The following CCM2 variants were observed in gnomAD, a reference collection of about 807,000 sequenced individuals.
The protein encoded by CCM2 is CCM2 scaffold protein.
Under a neutral mutation model 44.9 loss-of-function variants are expected in CCM2, and 25 were observed. That is an observed-to-expected ratio of 0.56 (90% CI 0.41 to 0.78). CCM2 has a LOEUF of 0.78. Among genes scored for constraint, CCM2 ranks in the 30% least tolerant of loss-of-function variants. The pLI is 0.00. For synonymous variants in CCM2, 219 were observed against 241.1 expected (o/e 0.91, Z 0.85); for missense variants, 481 against 580.6 (o/e 0.83, Z 1.76).
intron 1 of CCM2, among the ~76,000 whole-genome samples, chr7:45,001,238 C>T (rs1287549293): frequency 2.6e-5 from 4 of 152,146 alleles, no homozygotes; most frequent in African/African-American, 7.2e-5. Flanking sequence ...TTTAAAAGTC[C>T]TGTTTGAAAT....
At position 45,024,562 on chromosome 7, in the gene CCM2, C is replaced by T. The variant is rs181257438; in HGVS notation, c.31-13691C>T. On this transcript the variant is annotated intron_variant, in intron 1 of 9. Transcript: ENST00000258781. The stretch of plus-strand genomic sequence containing the variant: ...CCTCGTTTTGCTGGGAGTAGATCCT[C>T]TAGTATGTTTTTCAAAAGGGGGTTT... Among the ~76,000 whole-genome samples the T allele has an allele frequency of 9.2e-5, 14 of 152,276 alleles. No individual in the cohort carries two copies. The East Asian group carries it at 1.5e-3, about 17-fold the overall frequency.
chr7:45,058,783 TA>T (rs1400354581), intron 2 of CCM2, among the ~76,000 whole-genome samples: 2 of 151,978 alleles, frequency 1.3e-5, no homozygotes, highest in African/African-American at 4.8e-5. Context: ...TACAACGATA[TA>T]TTTTTTTTTG....
intron 1 of CCM2, among the ~76,000 whole-genome samples, chr7:45,008,138 G>A (rs955141531): frequency 1.3e-5 from 2 of 150,762 alleles, no homozygotes; most frequent in Non-Finnish European, 2.9e-5. Context: ...CGCCTCCTGG[G>A]TTCAAGCAAT....
chr7:45,044,780 T>C (rs778318690), intron 2 of CCM2, among the ~76,000 whole-genome samples: 47 of 152,246 alleles, frequency 3.1e-4, no homozygotes, highest in Non-Finnish European at 4.7e-4. Flanking sequence ...CAAATTTTCC[T>C]AGAACCATAA....
chr7:45,072,916 C>G, intron 7 of CCM2, 133 bp downstream of exon 7: 1 of 774,580 alleles, frequency 1.3e-6, no homozygotes, highest in Non-Finnish European at 2.2e-6. Context: ...CCCACTGTAC[C>G]CAGCTTAGTG....
intron 5 of CCM2, among the ~76,000 whole-genome samples, chr7:45,068,976 G>A (rs1017443393): frequency 6.6e-6 from 1 of 152,194 alleles, no homozygotes; most frequent in South Asian, 2.1e-4. Context: ...GCTGATGGGC[G>A]GGCAGCGGCG....
intron 2 of CCM2, among the ~76,000 whole-genome samples, chr7:45,050,026 A>G (rs1369660958): frequency 6.6e-6 from 1 of 152,280 alleles, no homozygotes; most frequent in African/African-American, 2.4e-5. Flanking sequence ...CAGACCACAC[A>G]TATGACAATG....
chr7:45,000,461 G>GA (rs1242998063), intron 1 of CCM2, 98 bp downstream of exon 1: 1 of 287,762 alleles, frequency 3.5e-6, no homozygotes, highest in Non-Finnish European at 5.8e-6. Flanking sequence ...GCCCGGGGGG[G>GA]GGGGCAGTGG....
At chr7:45,023,796 T>TGG (rs1360196894) in intron 1 of CCM2, among the ~76,000 whole-genome samples, 2 of 119,366 alleles carry the variant, frequency 1.7e-5, no homozygotes, top group African/African-American at 6.3e-5. Flanking sequence ...AGTTTTTTTT[T>TGG]TTTTTTTTTT....
chr7:45,021,570 A>AT (rs1562866434), intron 1 of CCM2, among the ~76,000 whole-genome samples: 5 of 151,564 alleles, frequency 3.3e-5, no homozygotes, highest in African/African-American at 1.2e-4. Context: ...TCTCAAAAAA[A>AT]AAAAATAAAA....
chr7:45,075,954 A>AC lies in CCM2; in HGVS notation c.1234dup (p.Arg412ProfsTer9), dbSNP rs1331484727. On this transcript the variant is annotated frameshift_variant, in exon 10 of 10. Transcript: ENST00000258781. LOFTEE classifies it high-confidence loss of function. ...AACAGGGCCACGGGCAGCTCTGATGACCGGTCGGCACCCTCAGAGGGGGAT... is the reference window on the plus strand; with the variant it reads ...AACAGGGCCACGGGCAGCTCTGATGACCCGGTCGGCACCCTCAGAGGGGGAT... 6.2e-7 allele frequency: 1 copy of AC among 1,613,078 alleles called. No individual in the cohort carries two copies. Among genetic ancestry groups the AC allele is most frequent in the Non-Finnish European group, 8.5e-7 (1 of 1,180,008 alleles).
intron 1 of CCM2, among the ~76,000 whole-genome samples, chr7:45,033,805 G>A (rs1476152086): frequency 2.7e-5 from 1 of 36,546 alleles, no homozygotes; most frequent in African/African-American, 3.4e-4. Flanking sequence ...AGTAATTCAT[G>A]TGCCATCTGT....
chr7:45,075,710 C>T (rs1784201654), intron 9 of CCM2, 67 bp from the exon 10 acceptor site: 2 of 1,605,108 alleles, frequency 1.2e-6, no homozygotes, highest in Non-Finnish European at 1.7e-6. Context: ...GGCTTTGAGC[C>T]CTGAGAGAAG....
intron 2 of CCM2, among the ~76,000 whole-genome samples, chr7:45,049,457 CTGTT>C (rs1319012193): frequency 6.6e-6 from 1 of 152,182 alleles, no homozygotes; most frequent in Non-Finnish European, 1.5e-5. Flanking sequence ...ACGGTATACA[CTGTT>C]TGCACCTTGC....
At chr7:45,010,882 C>G (rs1379276617) in intron 1 of CCM2, among the ~76,000 whole-genome samples, 2 of 152,132 alleles carry the variant, frequency 1.3e-5, no homozygotes, top group Non-Finnish European at 2.9e-5. Flanking sequence ...TTTGAAAAAG[C>G]TGCTGTGAAC....
At chr7:45,016,878 C>G (rs966110839) in intron 1 of CCM2, among the ~76,000 whole-genome samples, 4 of 152,204 alleles carry the variant, frequency 2.6e-5, no homozygotes, top group African/African-American at 9.7e-5. Context: ...AGTGATCTGA[C>G]TGTCTCGGCC....
chr7:45,074,876 T>C (rs1291762919), intron 9 of CCM2, among the ~76,000 whole-genome samples: 5 of 152,234 alleles, frequency 3.3e-5, no homozygotes, highest in Admixed American at 1.3e-4. Context: ...CTGTGTGGTC[T>C]GAGCAGCAGA....
At chr7:45,011,194 G>A (rs1373095567) in intron 1 of CCM2, among the ~76,000 whole-genome samples, 1 of 143,158 alleles carries the variant, frequency 7.0e-6, no homozygotes, top group African/African-American at 3.0e-5. Context: ...ACTATGCCCA[G>A]CTAAATTTTT....
chr7:45,063,664 A>G (rs1200117574), intron 2 of CCM2, among the ~76,000 whole-genome samples: 1 of 152,162 alleles, frequency 6.6e-6, no homozygotes, highest in Non-Finnish European at 1.5e-5. Context: ...TGGGATACTC[A>G]TTGCAGGACT....
Sources: allele counts gnomAD v4.1 joint callset (sites outside exome capture counted in the v4.1 genomes callset), GRCh38; gene constraint gnomAD v4.1.1; transcripts MANE v1.5; gene names NCBI Gene and HGNC (gene_info 2026-07-23, HGNC 2026-07-21).